The following SPAG1 variants were observed in gnomAD, a reference collection of about 807,000 sequenced individuals.
SPAG1 encodes sperm-associated antigen 1.
In SPAG1, 69 loss-of-function variants were observed where a neutral mutation model predicts 100.5. That is an observed-to-expected ratio of 0.69 (90% confidence interval 0.57 to 0.84). The LOEUF (loss-of-function observed/expected upper bound fraction) is 0.84. Among genes scored for constraint, SPAG1 ranks in the 40% least tolerant of loss-of-function variants. The pLI is 0.00. For synonymous variants in SPAG1, 336 were observed against 411.6 expected (o/e 0.82, Z 2.22); for missense variants, 955 against 1,133.1 (o/e 0.84, Z 2.26).
intron 10 of SPAG1, among the ~76,000 whole-genome samples, chr8:100,199,645 T>A (rs1039477160): frequency 6.6e-6 from 1 of 152,048 alleles, no homozygotes; most frequent in Non-Finnish European, 1.5e-5. Context: ...TGGAGTTTCA[T>A]CATGTTGGCC....
chr8:100,209,329 A>G (rs1470843267), intron 10 of SPAG1, among the ~76,000 whole-genome samples: 2 of 148,252 alleles, frequency 1.3e-5, no homozygotes, highest in Non-Finnish European at 3.0e-5. Flanking sequence ...TTCCTACTAT[A>G]TATATAATCC....
intron 3 of SPAG1, among the ~76,000 whole-genome samples, chr8:100,176,807 C>CCCTCTCCTCTCT (rs1554650404): frequency 8.6e-6 from 1 of 116,296 alleles, no homozygotes; most frequent in Non-Finnish European, 1.7e-5. Context: ...TCATAAATTT[C>CCCTCTCCTCTCT]CCTCTCCTCT....
At chr8:100,162,245 A>G (rs771723281) in intron 1 of SPAG1, 34 bp from the exon 2 acceptor site, 1 of 1,473,976 alleles carries the variant, frequency 6.8e-7, no homozygotes, top group Non-Finnish European at 9.3e-7. Context: ...TTATTTATAC[A>G]TTAGATTAAT....
chr8:100,165,326 G>T, intron 2 of SPAG1: 1 of 507,544 alleles, frequency 2.0e-6, no homozygotes, highest in Admixed American at 2.2e-5. Context: ...TTCCATCATT[G>T]GTAATAATTG....
chr8:100,221,871 G>C (rs774452497), intron 13 of SPAG1, among the ~76,000 whole-genome samples: 18 of 152,248 alleles, frequency 1.2e-4, no homozygotes, highest in Non-Finnish European at 2.2e-4. Flanking sequence ...TGTGGTCCCA[G>C]CCCTGCTGGA....
At chr8:100,166,876 C>T (rs531544249) in intron 3 of SPAG1, among the ~76,000 whole-genome samples, 11 of 152,172 alleles carry the variant, frequency 7.2e-5, no homozygotes, top group East Asian at 1.9e-4. Flanking sequence ...CATTGCACTC[C>T]GGCCTGGGTG....
chr8:100,206,447 CT>C (rs1166845536), intron 10 of SPAG1, among the ~76,000 whole-genome samples: 8 of 152,308 alleles, frequency 5.3e-5, no homozygotes, highest in Admixed American at 4.6e-4. Flanking sequence ...AGATATCACA[CT>C]GGTACATTAT....
At chr8:100,162,810 T>C (rs933266328) in intron 2 of SPAG1, among the ~76,000 whole-genome samples, 3 of 152,056 alleles carry the variant, frequency 2.0e-5, no homozygotes, top group Non-Finnish European at 1.5e-5. Context: ...AAATCCTATC[T>C]CTACAAAAAA....
chr8:100,172,444 C>T (rs2132222832), intron 3 of SPAG1, among the ~76,000 whole-genome samples: 1 of 152,078 alleles, frequency 6.6e-6, no homozygotes, highest in South Asian at 2.1e-4. Context: ...CATGGTGAAA[C>T]CCTGTCTCTA....
intron 1 of SPAG1, 30 bp from the exon 2 acceptor site, chr8:100,162,249 G>C (rs1178350614): frequency 6.7e-7 from 1 of 1,500,834 alleles, no homozygotes; most frequent in African/African-American, 1.4e-5. Context: ...TTATACATTA[G>C]ATTAATAACT....
intron 10 of SPAG1, among the ~76,000 whole-genome samples, chr8:100,208,988 G>A (rs1038023783): frequency 6.6e-6 from 1 of 152,130 alleles, no homozygotes; most frequent in Admixed American, 6.5e-5. Flanking sequence ...TGTCTGTGAG[G>A]GTGTTGCCAA....
intron 8 of SPAG1, among the ~76,000 whole-genome samples, chr8:100,190,458 C>A (rs1816765831): frequency 6.6e-6 from 1 of 151,886 alleles, no homozygotes; most frequent in Non-Finnish European, 1.5e-5. Flanking sequence ...TAAATAATTA[C>A]CAAATTATAC....
At chr8:100,194,445 A>C (rs1816944440) in intron 10 of SPAG1, 177 bp downstream of exon 10, 3 of 846,776 alleles carry the variant, frequency 3.5e-6, no homozygotes, top group Non-Finnish European at 5.5e-6. Flanking sequence ...AGAATCTCTC[A>C]AACCCATTTT....
At position 100,225,363 on chromosome 8, in the gene SPAG1, C is replaced by T. The variant is rs200264762; in HGVS notation, c.1855+24C>T. The stretch of plus-strand genomic sequence containing the variant: ...AGGTGGGGGATGCCTGCACTCATTT[C>T]TTCTCAAGGTTACCTTGAGTTGTGT... On this transcript the variant is annotated intron_variant, in intron 14 of 18. Coordinates refer to ENST00000388798, the MANE Select transcript of SPAG1 (RefSeq NM_003114.5). 35 of 1,608,786 alleles carry T rather than the reference C, an allele frequency of 2.2e-5. No individual in the cohort carries two copies. In the Admixed American group the frequency reaches 5.2e-4, roughly 24 times the overall value.
chr8:100,192,403 A>G (rs773524265), intron 9 of SPAG1, among the ~76,000 whole-genome samples: 1 of 152,216 alleles, frequency 6.6e-6, no homozygotes, highest in Non-Finnish European at 1.5e-5. Flanking sequence ...ATAGGGAAGC[A>G]TCACCTTTAT....
At position 100,220,434 on chromosome 8, in the gene SPAG1, A is replaced by G; in HGVS notation, c.1688+3A>G. 6.2e-7 allele frequency: 1 copy of G among 1,604,692 alleles called. No homozygotes were observed. Among genetic ancestry groups the G allele is most frequent in the Non-Finnish European group, 8.5e-7 (1 of 1,176,946 alleles). ...CTAGCAAATGACAGTGTTAACAGGT[A>G]ATTAATCTGAGGCAGCTACCTAAAA... On this transcript the variant is annotated splice_donor_region_variant and intron_variant, in intron 13 of 18. Transcript: ENST00000388798.
At chr8:100,236,573 T>G (rs1819016962) in intron 16 of SPAG1, among the ~76,000 whole-genome samples, 1 of 152,236 alleles carries the variant, frequency 6.6e-6, no homozygotes, top group African/African-American at 2.4e-5. Flanking sequence ...GTCCTGCCTT[T>G]AGCTCCCAGC....
chr8:100,170,976 G>A (rs1815803662), intron 3 of SPAG1, among the ~76,000 whole-genome samples: 2 of 152,008 alleles, frequency 1.3e-5, no homozygotes, highest in Admixed American at 1.3e-4. Context: ...TATAACGTTA[G>A]CTTTAAATTT....
intron 5 of SPAG1, 87 bp downstream of exon 5, chr8:100,183,523 A>T: frequency 1.5e-6 from 1 of 646,734 alleles, no homozygotes; most frequent in South Asian, 2.0e-5. Context: ...AATAATTATT[A>T]TAAACCTTAA....
Sources: allele counts gnomAD v4.1 joint callset (sites outside exome capture counted in the v4.1 genomes callset), GRCh38; gene constraint gnomAD v4.1.1; transcripts MANE v1.5; gene names NCBI Gene and HGNC (gene_info 2026-07-23, HGNC 2026-07-21).